Variants in CTNNA2 observed in about 807,000 individuals in gnomAD.
The protein encoded by CTNNA2 is catenin alpha-2.
In CTNNA2, 42 loss-of-function variants were observed where a neutral mutation model predicts 101.0. The observed-to-expected ratio is 0.42, with a 90% CI of 0.32 to 0.54. The LOEUF is 0.54. CTNNA2 is among the 20% of genes least tolerant of loss of function. The pLI, the probability that CTNNA2 is intolerant of heterozygous loss-of-function variation, is 0.14. For missense variants in CTNNA2, 871 were observed against 1,223.1 expected, an observed-to-expected ratio of 0.71 and a Z score of 4.29; for synonymous variants, 450 against 456.4, an observed-to-expected ratio of 0.99 and a Z score of 0.18.
intron 7 of CTNNA2, among the ~76,000 whole-genome samples, chr2:80,032,594 C>A (rs1383417778): frequency 6.6e-6 from 1 of 152,028 alleles, no homozygotes; most frequent in Non-Finnish European, 1.5e-5. Flanking sequence ...TCAAGCTTGG[C>A]CCCAAAGTTA....
intron 15 of CTNNA2, among the ~76,000 whole-genome samples, chr2:80,597,188 G>A (rs1697059257): frequency 6.6e-6 from 1 of 152,072 alleles, no homozygotes; most frequent in African/African-American, 2.4e-5. Context: ...TGACAAACCA[G>A]ACAAAAACAA....
chr2:79,760,013 G>A lies in CTNNA2; in HGVS notation c.298+15431G>A, dbSNP rs575007753. Among the ~76,000 whole-genome samples, 226 of 152,208 alleles carry A rather than the reference G, an allele frequency of 1.5e-3. 2 individuals are homozygous for A. The highest frequency in any genetic ancestry group is 5.1e-3 in the African/African-American group (213 of 41,532). ...CATTTTAAGGCGGTATAGCATATTC[G>A]TTAAGAGTACAGTTTACGGAACTAG... is the stretch of plus-strand genomic sequence containing the variant. On this transcript the variant is annotated intron_variant, in intron 3 of 18. Coordinates refer to ENST00000402739, the MANE Select transcript of CTNNA2 (RefSeq NM_001282597.3).
At chr2:80,540,589 T>TC in intron 9 of CTNNA2, among the ~76,000 whole-genome samples, 1 of 128,432 alleles carries the variant, frequency 7.8e-6, no homozygotes, top group Non-Finnish European at 1.6e-5. Flanking sequence ...AGAATGAGAC[T>TC]CCATCTCAAA....
At chr2:80,480,010 A>G (rs977655845) in intron 9 of CTNNA2, among the ~76,000 whole-genome samples, 1 of 152,146 alleles carries the variant, frequency 6.6e-6, no homozygotes, top group African/African-American at 2.4e-5. Context: ...TTACTTCTAT[A>G]TGGTTTTAGA....
At chr2:79,529,227 A>G (rs1672596061) in intron 1 of CTNNA2, among the ~76,000 whole-genome samples, 1 of 152,142 alleles carries the variant, frequency 6.6e-6, no homozygotes, top group Non-Finnish European at 1.5e-5. Context: ...AGGGAAGGAG[A>G]CAACAGGACT....
intron 7 of CTNNA2, chr2:80,288,505 A>G (rs1674966487): frequency 6.6e-6 from 1 of 152,232 alleles, no homozygotes; most frequent in South Asian, 2.1e-4. Context: ...GCTGTTTATT[A>G]CAGATGTGCT....
intron 17 of CTNNA2, among the ~76,000 whole-genome samples, chr2:80,611,155 TA>T (rs1430316144): frequency 2.0e-5 from 3 of 151,586 alleles, no homozygotes; most frequent in Non-Finnish European, 4.4e-5. Flanking sequence ...ATAGAATTGT[TA>T]AAGTGAAAGT....
chr2:80,248,759 CAT>C (rs1671538592), intron 7 of CTNNA2, among the ~76,000 whole-genome samples: 1 of 152,086 alleles, frequency 6.6e-6, no homozygotes, highest in Non-Finnish European at 1.5e-5. Context: ...GTCTCTAGGA[CAT>C]AAAATATTGG....
chr2:80,341,420 T>A (rs1194474832), intron 7 of CTNNA2, among the ~76,000 whole-genome samples: 3 of 148,228 alleles, frequency 2.0e-5, no homozygotes, highest in African/African-American at 7.3e-5. Context: ...GAACAAAGGA[T>A]GAAGACTAAA....
intron 7 of CTNNA2, among the ~76,000 whole-genome samples, chr2:80,204,928 T>A (rs188381304): frequency 1.4e-4 from 21 of 152,118 alleles, no homozygotes; most frequent in African/African-American, 4.8e-4. Flanking sequence ...CTCACATAGA[T>A]GTCAGCAGGG....
chr2:79,256,853 A>T (rs1376514838), intron 2 of CTNNA2, among the ~76,000 whole-genome samples: 1 of 152,236 alleles, frequency 6.6e-6, no homozygotes, highest in Non-Finnish European at 1.5e-5. Flanking sequence ...AAGTTTCAAG[A>T]TTAAATGAGA....
chr2:79,436,571 G>A lies in CTNNA2; in HGVS notation c.-135+62558G>A, dbSNP rs368478060. ...CAGATTTTCAAAATCTCCTCATGAG[G>A]TTCTAATGTGTAGTCAGCTCTGGTT... On this transcript the variant is annotated intron_variant, in intron 4 of 21. Transcript: ENST00000466387. 3.3e-5 allele frequency among the ~76,000 whole-genome samples: 5 copies of A among 152,102 alleles called. No individual in the cohort carries two copies. The East Asian group carries it at 5.8e-4, about 18-fold the overall frequency.
intron 7 of CTNNA2, among the ~76,000 whole-genome samples, chr2:79,978,088 A>G (rs1690996432): frequency 6.6e-6 from 1 of 152,202 alleles, no homozygotes; most frequent in Admixed American, 6.5e-5. Context: ...TGAAGTTCGC[A>G]TAGGGTAAGG....
At chr2:80,384,632 G>C (rs1676836246) in intron 7 of CTNNA2, among the ~76,000 whole-genome samples, 1 of 151,506 alleles carries the variant, frequency 6.6e-6, no homozygotes, top group Non-Finnish European at 1.5e-5. Context: ...GAGATTTGAG[G>C]AACAGTATGA....
chr2:79,589,029 G>A (rs1389556077), intron 1 of CTNNA2, among the ~76,000 whole-genome samples: 3 of 152,226 alleles, frequency 2.0e-5, no homozygotes, highest in African/African-American at 7.2e-5. Flanking sequence ...CATGTTATCA[G>A]TGGGAATAAC....
At chr2:80,647,498 A>G in intron 18 of CTNNA2, 87 bp from the exon 19 acceptor site, 1 of 1,155,482 alleles carries the variant, frequency 8.7e-7, no homozygotes, top group Non-Finnish European at 1.2e-6. Context: ...CAAGGAAAAC[A>G]TTATTTTAAC....
At chr2:79,783,582 C>T (rs1008674843) in intron 3 of CTNNA2, among the ~76,000 whole-genome samples, 1 of 152,064 alleles carries the variant, frequency 6.6e-6, no homozygotes, top group African/African-American at 2.4e-5. Flanking sequence ...AGTGGCTTAC[C>T]TTCTTATCCC....
At chr2:79,535,553 G>A (rs1047384531) in intron 1 of CTNNA2, among the ~76,000 whole-genome samples, 7 of 151,994 alleles carry the variant, frequency 4.6e-5, no homozygotes, top group African/African-American at 1.4e-4. Context: ...ATTATTATAA[G>A]TAGAATGTAA....
intron 7 of CTNNA2, among the ~76,000 whole-genome samples, chr2:80,280,739 T>C (rs770667532): frequency 2.0e-5 from 3 of 152,128 alleles, no homozygotes; most frequent in Non-Finnish European, 4.4e-5. Flanking sequence ...CTGAGGAACA[T>C]GATGAAATCT....
Sources: allele counts gnomAD v4.1 joint callset (sites outside exome capture counted in the v4.1 genomes callset), GRCh38; gene constraint gnomAD v4.1.1; transcripts MANE v1.5; gene names NCBI Gene and HGNC (gene_info 2026-07-23, HGNC 2026-07-21).